The following C9orf85 variants were observed in gnomAD, a reference collection of about 807,000 sequenced individuals.
C9orf85 encodes uncharacterized protein C9orf85.
Under a neutral mutation model 14.9 loss-of-function variants are expected in C9orf85, and 16 were observed. That is an observed-to-expected ratio of 1.08 (90% CI 0.73 to 1.63). The LOEUF (loss-of-function observed/expected upper bound fraction) is 1.63, where lower values mean the gene tolerates loss of function less well. C9orf85 is among the 40% of genes most tolerant of loss of function. C9orf85 has a pLI of 0.00. For missense variants in C9orf85, 172 were observed against 186.1 expected, an observed-to-expected ratio of 0.92 and a Z score of 0.44; for synonymous variants, 45 against 56.8, an observed-to-expected ratio of 0.79 and a Z score of 0.93.
intron 1 of C9orf85, among the ~76,000 whole-genome samples, chr9:71,929,097 T>A (rs1458537724): frequency 6.6e-6 from 1 of 152,192 alleles, no homozygotes; most frequent in Non-Finnish European, 1.5e-5. Flanking sequence ...TTTGAGGAAG[T>A]TAGTTTTAAG....
chr9:71,981,197 G>A (rs542935485), intron 3 of C9orf85, among the ~76,000 whole-genome samples: 17 of 152,208 alleles, frequency 1.1e-4, no homozygotes, highest in Non-Finnish European at 1.9e-4. Context: ...TGGGCCCTAG[G>A]GGATAGATTA....
intron 2 of C9orf85, among the ~76,000 whole-genome samples, chr9:71,957,881 T>G (rs1483241072): frequency 6.6e-6 from 1 of 152,122 alleles, no homozygotes; most frequent in Non-Finnish European, 1.5e-5. Flanking sequence ...ATGTCTTAGA[T>G]CAATAAAATC....
chr9:71,933,181 A>G (rs1397709393), intron 1 of C9orf85, among the ~76,000 whole-genome samples: 1 of 152,192 alleles, frequency 6.6e-6, no homozygotes, highest in Non-Finnish European at 1.5e-5. Context: ...AGGAGAAGAG[A>G]GAAAGTGGCG....
intron 2 of C9orf85, among the ~76,000 whole-genome samples, chr9:71,963,384 C>T (rs111819816): frequency 6.6e-6 from 1 of 152,216 alleles, no homozygotes; most frequent in African/African-American, 2.4e-5. Flanking sequence ...GCTGGCAGTC[C>T]TCACAGCCCT....
downstream of C9orf85, among the ~76,000 whole-genome samples, chr9:71,977,078 T>A (rs956949531): frequency 1.3e-5 from 2 of 152,212 alleles, no homozygotes; most frequent in Non-Finnish European, 2.9e-5. Context: ...TCCAGAGCCC[T>A]GACATTGTGA....
At chr9:71,911,891 A>C in intron 1 of C9orf85, 55 bp downstream of exon 1, 1 of 1,493,244 alleles carries the variant, frequency 6.7e-7, no homozygotes, top group African/African-American at 1.4e-5. Flanking sequence ...GGCTCACTGG[A>C]GAGGGGAGAG....
intron 2 of C9orf85, among the ~76,000 whole-genome samples, chr9:71,960,062 T>C (rs535280816): frequency 6.6e-6 from 1 of 152,298 alleles, no homozygotes; most frequent in East Asian, 1.9e-4. Flanking sequence ...CAAAAAGTGC[T>C]AGGTGTGAGT....
chr9:71,934,027 T>C lies in C9orf85; in HGVS notation c.103-12979T>C, dbSNP rs77707788. 6.6e-3 allele frequency among the ~76,000 whole-genome samples: 1,003 copies of C among 152,274 alleles called. 13 individuals carry two copies. The highest frequency in any genetic ancestry group is 0.023 in the African/African-American group (940 of 41,560). On this transcript the variant is annotated intron_variant, in intron 1 of 3. Transcript: ENST00000334731. ...TAATCTCCATATATTGATTTATGAC[T>C]TTGCTTGTCACCTGCCTTTAAAAAC...
intron 2 of C9orf85, among the ~76,000 whole-genome samples, chr9:71,967,339 G>A (rs1231393717): frequency 1.3e-5 from 2 of 152,026 alleles, no homozygotes; most frequent in South Asian, 2.1e-4. Flanking sequence ...ATATATGTAC[G>A]TGGGTCTGTT....
chr9:71,976,567 C>A (rs749858505), downstream of C9orf85, among the ~76,000 whole-genome samples: 1 of 151,198 alleles, frequency 6.6e-6, no homozygotes, highest in Non-Finnish European at 1.5e-5. Flanking sequence ...GAGGCTGAGG[C>A]AGGAGAATGG....
chr9:71,927,118 C>CATCA (rs1314597947), intron 1 of C9orf85, among the ~76,000 whole-genome samples: 2 of 151,858 alleles, frequency 1.3e-5, no homozygotes, highest in Non-Finnish European at 2.9e-5. Flanking sequence ...TGTAAGTAGG[C>CATCA]ATCAGACTTC....
chr9:71,918,490 C>A, intron 1 of C9orf85: 2 of 1,286,578 alleles, frequency 1.6e-6, no homozygotes, highest in Non-Finnish European at 2.1e-6. Flanking sequence ...GGTCCCCAGC[C>A]CCCGACCCCC....
chr9:71,913,911 A>G (rs1827581033), intron 1 of C9orf85, among the ~76,000 whole-genome samples: 1 of 152,044 alleles, frequency 6.6e-6, no homozygotes, highest in African/African-American at 2.4e-5. Flanking sequence ...TCCCTCTTTT[A>G]AGTTATGAAA....
chr9:71,956,740 GA>G (rs112183843), intron 2 of C9orf85, among the ~76,000 whole-genome samples: 47 of 150,952 alleles, frequency 3.1e-4, no homozygotes, highest in East Asian at 1.9e-3. Context: ...AAACCTGGGG[GA>G]AAAAAAAATC....
intron 1 of C9orf85, among the ~76,000 whole-genome samples, chr9:71,916,026 A>G (rs1265976208): frequency 1.3e-5 from 2 of 152,238 alleles, no homozygotes; most frequent in Non-Finnish European, 2.9e-5. Flanking sequence ...TGAGCAAAAT[A>G]TACAGTCACA....
At chr9:71,978,364 C>G (rs181329517), downstream of C9orf85, among the ~76,000 whole-genome samples, 1 of 152,280 alleles carries the variant, frequency 6.6e-6, no homozygotes, top group Admixed American at 6.5e-5. Flanking sequence ...CCTGCCTCAG[C>G]CTCCCAAAGT....
intron 1 of C9orf85, among the ~76,000 whole-genome samples, chr9:71,945,040 C>T (rs1822049120): frequency 6.6e-6 from 1 of 152,022 alleles, no homozygotes. Flanking sequence ...AACAAGGAAC[C>T]AAAGAATGCT....
chr9:71,967,069 A>G (rs867618046), intron 2 of C9orf85, among the ~76,000 whole-genome samples: 11 of 152,314 alleles, frequency 7.2e-5, no homozygotes, highest in Middle Eastern at 3.4e-3. Flanking sequence ...TGTTTTGAAG[A>G]GGAGACATTT....
intron 1 of C9orf85, among the ~76,000 whole-genome samples, chr9:71,927,786 GA>G (rs1827966472): frequency 6.6e-6 from 1 of 152,180 alleles, no homozygotes; most frequent in Admixed American, 6.5e-5. Flanking sequence ...AGTGATATTT[GA>G]ACTGTAGTAG....
Sources: gnomAD v4.1 joint callset for allele counts (sites outside exome capture counted in the v4.1 genomes callset) on GRCh38, gnomAD v4.1.1 for gene constraint, MANE v1.5 for transcripts, NCBI Gene and HGNC (gene_info 2026-07-23, HGNC 2026-07-21) for gene names.